IZUMO1: variants seen among roughly 807,000 people sequenced by gnomAD.
IZUMO1 encodes izumo sperm-egg fusion protein 1.
In IZUMO1, 44 loss-of-function variants were observed where a neutral mutation model predicts 40.7. That is an observed-to-expected ratio of 1.08 (90% confidence interval 0.85 to 1.39). The LOEUF is 1.39. Among genes scored for constraint, IZUMO1 ranks in the 40% most tolerant of loss-of-function variants. The probability of loss-of-function intolerance (pLI) is 0.00; values close to 1 mark genes in which losing one functional copy is unlikely to be tolerated. For missense variants in IZUMO1, 368 were observed against 436.9 expected, an observed-to-expected ratio of 0.84 and a Z score of 1.41; for synonymous variants, 149 against 170.9, an observed-to-expected ratio of 0.87 and a Z score of 1.00.
intron 7 of IZUMO1, 72 bp from the exon 8 acceptor site, chr19:48,742,014 T>C (rs1193939810): frequency 6.5e-7 from 1 of 1,540,130 alleles, no homozygotes; most frequent in African/African-American, 1.4e-5. Flanking sequence ...GGTGAGAAGA[T>C]CACAGGGCCT....
At chr19:48,745,556 C>T (rs2033859731) in intron 2 of IZUMO1, 69 bp downstream of exon 2, 4 of 1,583,192 alleles carry the variant, frequency 2.5e-6, no homozygotes, top group East Asian at 2.2e-5. Flanking sequence ...CTGTCAGCCT[C>T]TTCCTTCCCC....
Position 48,745,889 on chromosome 19 carries a change from C to T in IZUMO1, c.-30G>A, listed in dbSNP as rs771231176. ...GCCGGCGCGCACAGTTCCCGAAGAC[C>T]GTTAGGAAGGGTGCTCTCACCCCAA... On this transcript the variant is annotated 5_prime_UTR_variant, in exon 2 of 10. Coordinates refer to ENST00000332955, the MANE Select transcript of IZUMO1 (RefSeq NM_182575.3). The T allele has an allele frequency of 6.2e-6, 10 of 1,611,392 alleles. No individual in the cohort carries two copies. The African/African-American group carries it at 1.2e-4, about 19-fold the overall frequency.
rs1380326596 is a variant in IZUMO1 at position 48,745,678 on chromosome 19, A to C, written c.182T>G (p.Val61Gly). The C allele has an allele frequency of 6.2e-7, 1 of 1,613,956 alleles. No homozygotes were observed. Among genetic ancestry groups the C allele is most frequent in the East Asian group, 2.2e-5 (1 of 44,874 alleles). ...KAMMERVENAVKDFQELSLNE... is the reference protein window; with the variant it reads ...KAMMERVENAGKDFQELSLNE... ...AAGCGACAGTTCCTGGAAATCCTTC[A>C]CGGCATTCTCTACCCTTTCCATCAT... Residue 61 changes from valine (V) to glycine (G), a missense_variant, in exon 2 of 10, where the codon GTG becomes GGG. Physicochemically the swap from Val to Gly is moderately radical, Grantham distance 109. Transcript: ENST00000332955.
At chr19:48,746,145 A>G in intron 1 of IZUMO1, 1 of 1,275,042 alleles carries the variant, frequency 7.8e-7, no homozygotes. Context: ...GAGAGATCAG[A>G]AAAACTATTA....
intron 1 of IZUMO1, 51 bp downstream of exon 1, chr19:48,746,384 C>T: frequency 1.0e-6 from 1 of 995,492 alleles, no homozygotes; most frequent in Non-Finnish European, 1.2e-6. Flanking sequence ...TAACACAGAC[C>T]CAACCACGAT....
At position 48,746,190 on chromosome 19, in the gene IZUMO1, C is replaced by T. The variant is rs184354248; in HGVS notation, c.-74+245G>A. ...CACTCATAAGTCCCCAAACTCAGAACCTGGAATCTCCCAACCCCATGCGCC... is the reference window on the plus strand; with the variant it reads ...CACTCATAAGTCCCCAAACTCAGAATCTGGAATCTCCCAACCCCATGCGCC... On this transcript the variant is annotated intron_variant, in intron 1 of 9. Coordinates refer to ENST00000332955, the MANE Select transcript of IZUMO1 (RefSeq NM_182575.3). The T allele has an allele frequency of 4.1e-3, 4,732 of 1,145,820 alleles. 36 individuals are homozygous for T. Among genetic ancestry groups the T allele is most frequent in the Non-Finnish European group, 3.7e-3 (3,395 of 927,258 alleles). The allele number at this position is 1,145,820 out of a possible 1,614,324, so 71.0% of individuals were successfully genotyped here.
Position 48,741,589 on chromosome 19 carries a change from AGT to A in IZUMO1, c.755-113_755-112del. On this transcript the variant is annotated intron_variant, in intron 8 of 9. Coordinates refer to ENST00000332955, the MANE Select transcript of IZUMO1 (RefSeq NM_182575.3). The surrounding 1 kb of genome is among the most constrained non-coding windows in gnomAD (Gnocchi z 4.4). ...TCCCAGAGATAATCACGCCTTCAAC[AGT>A]GTCAAGCCTGAACACACCCAAGGGA... is the stretch of plus-strand genomic sequence containing the variant. The A allele has an allele frequency of 7.4e-7, 1 of 1,350,700 alleles. No individual in the cohort carries two copies. The highest frequency in any genetic ancestry group is 1.3e-5 in the South Asian group (1 of 75,998). 83.7% of individuals were successfully genotyped at this position (1,350,700 alleles called of 1,614,324 possible).
chr19:48,741,068 G>T lies in IZUMO1; in HGVS notation c.933-40C>A, dbSNP rs1455505594. 3 of 1,611,890 alleles carry T rather than the reference G, an allele frequency of 1.9e-6. No individual in the cohort carries two copies. The highest frequency in any genetic ancestry group is 3.3e-5 in the Admixed American group (2 of 59,952). Reference sequence around the variant, plus strand: ...GGGGTGCAGATCATGGAACCGGTTTGGGTACTAATTGTGTGGGGGACACCC... The same window carrying T: ...GGGGTGCAGATCATGGAACCGGTTTTGGTACTAATTGTGTGGGGGACACCC... On this transcript the variant is annotated intron_variant, in intron 9 of 9. Transcript: ENST00000332955. This position sits in a 1 kb window ranked among gnomAD's most constrained non-coding sequence, Gnocchi z 4.4.
Position 48,746,496 on chromosome 19 carries a change from C to T in IZUMO1, c.-135G>A, listed in dbSNP as rs367885175. 1.8e-4 allele frequency: 175 copies of T among 986,518 alleles called. 2 individuals are homozygous for T. In the South Asian group the frequency reaches 6.7e-3, roughly 38 times the overall value. 61.1% of individuals were successfully genotyped at this position (986,518 alleles called of 1,614,324 possible). A position where few individuals can be genotyped will look rare whatever the true frequency, so the allele number is the denominator to read the frequency against. On this transcript the variant is annotated 5_prime_UTR_variant, in exon 1 of 10. Transcript: ENST00000332955. ...GCGAGACTCCATGCGGTCCTCTAGA[C>T]CTAGGGGGCCCTTGTTCACCCTTCC...
Position 48,740,946 on chromosome 19 carries a change from C to T in IZUMO1, c.1015G>A (p.Val339Ile). 9 of 1,614,128 alleles carry T rather than the reference C, an allele frequency of 5.6e-6. No homozygotes were observed. The highest frequency in any genetic ancestry group is 6.8e-6 in the Non-Finnish European group (8 of 1,179,986). The change falls in exon 10 of 10, where the codon GTC becomes ATC. Residue 339 changes from valine (V) to isoleucine (I), a missense_variant. By Grantham distance (29) the Val-to-Ile change is conservative. Coordinates refer to ENST00000332955, the MANE Select transcript of IZUMO1 (RefSeq NM_182575.3). The surrounding 1 kb of genome is among the most constrained non-coding windows in gnomAD (Gnocchi z 5.5). ...GAATCTGTGGCCTTTTCTTTTGGGA[C>T]CTGGGTTTGCTCGGCCGCTCCACTG... ...LGSGAAEQTQ[V>I]PKEKATDSRQ...
In IZUMO1 at chr19:48,744,549, C is replaced by T. The variant is rs1422819923; in HGVS notation, c.311-10G>A. 13 of 1,596,110 alleles carry T rather than the reference C, an allele frequency of 8.1e-6. No homozygotes were observed. The highest frequency in any genetic ancestry group is 1.3e-5 in the African/African-American group (1 of 74,802). On this transcript the variant is annotated splice_polypyrimidine_tract_variant and intron_variant, in intron 3 of 9. Transcript: ENST00000332955. ...TTCACGAAGAGATCGCCTGGGAAGA[C>T]ACAGGAACCCCCAATCCCACGTGTG... is the stretch of plus-strand genomic sequence containing the variant.
chr19:48,746,234 C>G, intron 1 of IZUMO1: 1 of 1,068,188 alleles, frequency 9.4e-7, no homozygotes, highest in Non-Finnish European at 1.1e-6. Context: ...AAATCCCAAA[C>G]TGTGGAATTT....
Position 48,741,538 on chromosome 19 carries a change from G to A in IZUMO1, c.755-60C>T. ...GGCGTGGAGTTCCTGCCCTGGCAAA[G>A]ACAAGCCCGTCCCAGTAGCCGGCCA... is the stretch of plus-strand genomic sequence containing the variant. On this transcript the variant is annotated intron_variant, in intron 8 of 9. Transcript: ENST00000332955. The surrounding 1 kb of genome is among the most constrained non-coding windows in gnomAD (Gnocchi z 4.4). The A allele has an allele frequency of 6.5e-7, 1 of 1,534,668 alleles. No individual in the cohort carries two copies. Among genetic ancestry groups the A allele is most frequent in the Non-Finnish European group, 8.9e-7 (1 of 1,124,300 alleles).
At position 48,742,212 on chromosome 19, in the gene IZUMO1, G is replaced by A; in HGVS notation, c.597C>T (p.Tyr199=). Residue 199 remains tyrosine (Y), a synonymous_variant, in exon 7 of 10, where the codon TAC becomes TAT. Transcript: ENST00000332955. ...ASEGLTDYSF[Y]RVWGNNTETL... ...TTACAGAAGTTGAGGCCCTCACCCT[G>A]TAAAAGCTGTAATCAGTGAGGCCTT... 6.2e-7 allele frequency: 1 copy of A among 1,611,124 alleles called. No homozygotes were observed.
At chr19:48,743,338 T>G in intron 6 of IZUMO1, 107 bp downstream of exon 6, 1 of 1,032,958 alleles carries the variant, frequency 9.7e-7, no homozygotes, top group Non-Finnish European at 1.5e-6. Context: ...ACCCTACCTT[T>G]TCTTGTCTAC....
At chr19:48,745,159 A>C in intron 3 of IZUMO1, 55 bp downstream of exon 3, 2 of 1,430,074 alleles carry the variant, frequency 1.4e-6, no homozygotes. Flanking sequence ...ACCAGGCATC[A>C]CTAACGCTGG....
At position 48,746,844 on chromosome 19, in the gene IZUMO1, G is replaced by A. The variant is rs2033898590; in HGVS notation, c.-483C>T. The A allele has an allele frequency of 2.0e-6, 2 of 985,354 alleles. No homozygotes were observed. The highest frequency in any genetic ancestry group is 1.2e-6 in the Non-Finnish European group (1 of 829,900). The allele number at this position is 985,354 out of a possible 1,614,324, so 61.0% of individuals were successfully genotyped here. A position where few individuals can be genotyped will look rare whatever the true frequency, so the allele number is the denominator to read the frequency against. On this transcript the variant is annotated 5_prime_UTR_variant, in exon 1 of 10. Coordinates refer to ENST00000332955, the MANE Select transcript of IZUMO1 (RefSeq NM_182575.3). Reference sequence around the variant, plus strand: ...GTCACGGACGATCCCCTCTCCACAAGGAACTCCTGAAACCACCCCCTCCGA... The same window carrying A: ...GTCACGGACGATCCCCTCTCCACAAAGAACTCCTGAAACCACCCCCTCCGA...
intron 6 of IZUMO1, chr19:48,743,242 G>T (rs1049402475): frequency 1.2e-5 from 7 of 586,172 alleles, no homozygotes; most frequent in Non-Finnish European, 1.8e-5. Context: ...TGCCCAGGCT[G>T]GTCTCAAACT....
intron 3 of IZUMO1, 81 bp downstream of exon 3, chr19:48,745,115 GGTCTGGGTCCACAGCCTA>G: frequency 1.0e-6 from 1 of 969,590 alleles, no homozygotes; most frequent in Non-Finnish European, 1.6e-6. Context: ...GAATCTAGGC[GGTCTGGGTCCACAGCCTA>G]GTATCTGACC....
Sources: allele counts gnomAD v4.1 joint callset, GRCh38; gene constraint gnomAD v4.1.1; non-coding constraint Gnocchi (gnomAD v3.1); transcripts MANE v1.5; gene names NCBI Gene and HGNC (gene_info 2026-07-23, HGNC 2026-07-21).